Variants in EGF observed in about 807,000 individuals in gnomAD.
EGF encodes the protein epidermal growth factor, also known as pro-epidermal growth factor.
Under a neutral mutation model 143.8 loss-of-function variants are expected in EGF, and 95 were observed. The ratio of observed to expected loss-of-function variants is 0.66; its 90% CI spans 0.56 to 0.78. EGF has a LOEUF of 0.78. Among genes scored for constraint, EGF ranks in the 30% least tolerant of loss-of-function variants. The probability of loss-of-function intolerance (pLI) is 0.00; values close to 1 mark genes in which losing one functional copy is unlikely to be tolerated. For synonymous variants in EGF, 510 were observed against 510.5 expected (o/e 1.00, Z 0.01); for missense variants, 1,320 against 1,470.9 (o/e 0.90, Z 1.68).
At chr4:109,941,524 A>G (rs1741924260) in intron 2 of EGF, among the ~76,000 whole-genome samples, 1 of 152,168 alleles carries the variant, frequency 6.6e-6, no homozygotes, top group South Asian at 2.1e-4. Flanking sequence ...AGTGTCTGGA[A>G]ACATTTTTGG....
rs201098711 is a variant in EGF, at chr4:109,960,987, A to G, written c.1187A>G (p.His396Arg). 6.2e-7 allele frequency: 1 copy of G among 1,613,870 alleles called. No homozygotes were observed. The highest frequency in any genetic ancestry group is 2.2e-5 in the East Asian group (1 of 44,866). ...CTGCTTCCTGATGGGAAACGATGTC[A>G]TCGTAAGTTATAGCAACAAGTATTT... The part of the protein sequence containing the change: ...FVLLPDGKRC[H>R]QLVSCPRNVS... The change falls in exon 7 of 24, where the codon CAT becomes CGT. Residue 396 changes from histidine (H) to arginine (R), a missense_variant and splice_region_variant. His to Arg is a conservative substitution (Grantham distance 29, BLOSUM62 0). Transcript: ENST00000265171.
intron 6 of EGF, among the ~76,000 whole-genome samples, chr4:109,960,286 C>G (rs1025555844): frequency 1.3e-5 from 2 of 152,170 alleles, no homozygotes; most frequent in African/African-American, 4.8e-5. Context: ...CATGCTATAT[C>G]TTTTCAAGGG....
At chr4:109,923,841 G>C (rs1451276795) in intron 1 of EGF, among the ~76,000 whole-genome samples, 1 of 151,336 alleles carries the variant, frequency 6.6e-6, no homozygotes, top group Non-Finnish European at 1.5e-5. Flanking sequence ...GGCTGGTCTT[G>C]AACTCCTGGG....
chr4:109,996,989 AC>A (rs955245087), intron 20 of EGF, among the ~76,000 whole-genome samples: 13 of 151,374 alleles, frequency 8.6e-5, no homozygotes, highest in African/African-American at 3.2e-4. Context: ...GATGCATCAT[AC>A]TCTACCCTCA....
chr4:109,953,824 A>G (rs1445181347), intron 5 of EGF, among the ~76,000 whole-genome samples: 1 of 152,318 alleles, frequency 6.6e-6, no homozygotes, highest in East Asian at 1.9e-4. Context: ...CACTTCTACC[A>G]TTGGTGAATG....
At chr4:109,933,293 G>A (rs946268445) in intron 1 of EGF, among the ~76,000 whole-genome samples, 2 of 152,182 alleles carry the variant, frequency 1.3e-5, no homozygotes, top group Non-Finnish European at 2.9e-5. Context: ...TCTGCATAGC[G>A]GGGCTTGTAT....
intron 14 of EGF, 96 bp from the exon 15 acceptor site, chr4:109,980,730 A>C: frequency 3.6e-6 from 5 of 1,397,272 alleles, no homozygotes; most frequent in Non-Finnish European, 5.1e-6. Context: ...CTCTCCCTAA[A>C]AGCTATAGCT....
At chr4:109,964,269 C>T in intron 9 of EGF, 132 bp from the exon 10 acceptor site, 1 of 1,287,862 alleles carries the variant, frequency 7.8e-7, no homozygotes, top group Non-Finnish European at 1.1e-6. Flanking sequence ...CTATACCACA[C>T]TAGAGGGAAA....
rs1748183258 is a variant in EGF, at chr4:109,974,576, G to A, written c.1725-127G>A. ...AGAGAGAAAGAGTAAGAGATAGGGA[G>A]AGAGAAACAGAAATAGGAGCTGGTT... On this transcript the variant is annotated intron_variant, in intron 11 of 23. Coordinates refer to ENST00000265171, the MANE Select transcript of EGF (RefSeq NM_001963.6). The A allele has an allele frequency of 4.2e-6, 3 of 706,904 alleles. No individual in the cohort carries two copies. In the Admixed American group the frequency reaches 6.3e-5, roughly 15 times the overall value. The allele number at this position is 706,904 out of a possible 1,614,324, so 43.8% of individuals were successfully genotyped here.
At chr4:109,988,765 A>G in intron 18 of EGF, 56 bp downstream of exon 18, 1 of 1,610,732 alleles carries the variant, frequency 6.2e-7, no homozygotes, top group South Asian at 1.1e-5. Context: ...GAAATCGGGA[A>G]ACAATGTGGG....
At chr4:109,943,232 A>T in intron 2 of EGF, 22 bp from the exon 3 acceptor site, 1 of 1,532,476 alleles carries the variant, frequency 6.5e-7, no homozygotes. Flanking sequence ...ATTAATAACA[A>T]TTTTAAAATT....
At chr4:109,973,520 A>G (rs755714632) in intron 11 of EGF, among the ~76,000 whole-genome samples, 13 of 151,976 alleles carry the variant, frequency 8.6e-5, no homozygotes, top group Non-Finnish European at 7.4e-5. Context: ...TTCCAATTAC[A>G]TTCTTTACAT....
intron 22 of EGF, among the ~76,000 whole-genome samples, chr4:110,004,832 A>G (rs1753046454): frequency 6.6e-6 from 1 of 152,094 alleles, no homozygotes; most frequent in African/African-American, 2.4e-5. Flanking sequence ...ATGAGTTATA[A>G]TAATGCCATA....
intron 1 of EGF, among the ~76,000 whole-genome samples, chr4:109,924,635 T>A (rs1448393590): frequency 1.3e-5 from 2 of 152,180 alleles, no homozygotes; most frequent in Non-Finnish European, 2.9e-5. Flanking sequence ...TTATCAAAAC[T>A]AACCCTTACA....
intron 18 of EGF, among the ~76,000 whole-genome samples, chr4:109,988,915 A>C (rs187554737): frequency 6.6e-6 from 1 of 152,310 alleles, no homozygotes; most frequent in East Asian, 1.9e-4. Flanking sequence ...TTACTGCCCT[A>C]GTCAGCTTCA....
At chr4:109,963,435 G>T in intron 9 of EGF, 137 bp downstream of exon 9, 1 of 1,066,556 alleles carries the variant, frequency 9.4e-7, no homozygotes, top group Non-Finnish European at 1.4e-6. Context: ...TTGTAAATAT[G>T]AATAATATGA....
intron 1 of EGF, among the ~76,000 whole-genome samples, chr4:109,917,653 C>T (rs1041683724): frequency 1.3e-5 from 2 of 152,084 alleles, no homozygotes; most frequent in African/African-American, 4.8e-5. Context: ...ACAGGTTTTG[C>T]TCTGTCGCCC....
At chr4:109,997,420 A>T (rs1041817508) in intron 20 of EGF, among the ~76,000 whole-genome samples, 8 of 152,006 alleles carry the variant, frequency 5.3e-5, no homozygotes, top group Non-Finnish European at 8.8e-5. Flanking sequence ...AGTCTTGTTT[A>T]CCAGCCCGGG....
At chr4:109,992,873 T>C (rs977248097) in intron 18 of EGF, among the ~76,000 whole-genome samples, 1 of 146,600 alleles carries the variant, frequency 6.8e-6, no homozygotes, top group Non-Finnish European at 1.5e-5. Context: ...TGCATGTTCT[T>C]ACTCATAGGT....
Sources: allele counts gnomAD v4.1 joint callset (sites outside exome capture counted in the v4.1 genomes callset), GRCh38; gene constraint gnomAD v4.1.1; transcripts MANE v1.5; gene names NCBI Gene and HGNC (gene_info 2026-07-23, HGNC 2026-07-21).